Variants in DNAAF10 observed in about 807,000 individuals in gnomAD.
DNAAF10 encodes the protein WD repeat domain 92.
A neutral mutation model predicts 43.7 loss-of-function variants in DNAAF10; 28 were observed. That is an observed-to-expected ratio of 0.64 (90% CI 0.48 to 0.88). DNAAF10 has a LOEUF of 0.88. Among genes scored for constraint, DNAAF10 ranks in the 40% least tolerant of loss-of-function variants. The pLI, the probability that DNAAF10 is intolerant of heterozygous loss-of-function variation, is 0.00. For missense variants in DNAAF10, 403 were observed against 439.1 expected (o/e 0.92, Z 0.73); for synonymous variants, 156 against 157.3 (o/e 0.99, Z 0.06).
chr2:68,143,956 C>T (rs1198711227), intron 3 of DNAAF10, among the ~76,000 whole-genome samples: 1 of 152,138 alleles, frequency 6.6e-6, no homozygotes, highest in Non-Finnish European at 1.5e-5. Flanking sequence ...TCCTCATGGT[C>T]TTGAGCGGCC....
chr2:68,146,082 C>T (rs1007183240), intron 2 of DNAAF10, among the ~76,000 whole-genome samples: 1 of 152,004 alleles, frequency 6.6e-6, no homozygotes, highest in Non-Finnish European at 1.5e-5. Context: ...GCCAACATGG[C>T]GAAACCCCAT....
chr2:68,157,034 T>G (rs1558615253), intron 1 of DNAAF10: 1 of 624,862 alleles, frequency 1.6e-6, no homozygotes, highest in East Asian at 2.9e-5. Context: ...TTGGCTGGAC[T>G]GCACTGGGGG....
At chr2:68,153,747 T>TC in intron 1 of DNAAF10, among the ~76,000 whole-genome samples, 2 of 27,612 alleles carry the variant, frequency 7.2e-5, no homozygotes, top group African/African-American at 6.3e-4. Context: ...ACAATGAAGT[T>TC]TTTTTTTTTT....
chr2:68,157,132 T>A, intron 1 of DNAAF10, 129 bp downstream of exon 1: 13 of 1,284,746 alleles, frequency 1.0e-5, no homozygotes, highest in Non-Finnish European at 1.4e-5. Flanking sequence ...GCGGTCAGCT[T>A]CTCTGGTCTC....
At chr2:68,136,816 TTAAG>T (rs1490555447) in intron 6 of DNAAF10, among the ~76,000 whole-genome samples, 1 of 152,196 alleles carries the variant, frequency 6.6e-6, no homozygotes, top group African/African-American at 2.4e-5. Flanking sequence ...CAAGGCAAAG[TTAAG>T]TAAGTAAATA....
chr2:68,146,063 A>G (rs1673310526), intron 2 of DNAAF10, among the ~76,000 whole-genome samples: 1 of 152,170 alleles, frequency 6.6e-6, no homozygotes, highest in Admixed American at 6.5e-5. Context: ...GGAGTTCGAG[A>G]CTAGCCTGGC....
chr2:68,146,635 T>C (rs1025281895), intron 2 of DNAAF10, among the ~76,000 whole-genome samples: 1 of 152,206 alleles, frequency 6.6e-6, no homozygotes, highest in African/African-American at 2.4e-5. Context: ...GCTAATTTAA[T>C]TATTAAGGAG....
intron 6 of DNAAF10, among the ~76,000 whole-genome samples, chr2:68,136,527 C>T (rs540812037): frequency 6.6e-6 from 1 of 152,078 alleles, no homozygotes; most frequent in Non-Finnish European, 1.5e-5. Flanking sequence ...AGAGAAGCAA[C>T]GGAGTAAGTT....
intron 1 of DNAAF10, chr2:68,156,910 G>T (rs756292322): frequency 1.3e-4 from 37 of 295,420 alleles, no homozygotes; most frequent in Non-Finnish European, 1.8e-4. Context: ...TAAACTCCAT[G>T]AGATGGGGGA....
rs200642044 is a variant in DNAAF10 at position 68,130,111 on chromosome 2, G to GATAT, written c.*1126_*1127insATAT. On this transcript the variant is annotated 3_prime_UTR_variant, in exon 8 of 8. Coordinates refer to ENST00000295121, the MANE Select transcript of DNAAF10 (RefSeq NM_138458.4). ...AGACCAACCGTGCCGTTTTGAGAGA[G>GATAT]AGAGATATATATATATATATTTGTT... The GATAT allele has an allele frequency of 2.2e-4, 29 of 131,850 alleles. 1 individual carries two copies. Among genetic ancestry groups the GATAT allele is most frequent in the African/African-American group, 8.2e-4 (27 of 32,840 alleles). The allele number at this position is 131,850 out of a possible 1,614,324, so 8.2% of individuals were successfully genotyped here. A position where few individuals can be genotyped will look rare whatever the true frequency, so the allele number is the denominator to read the frequency against.
At chr2:68,156,017 G>A (rs1203466458) in intron 1 of DNAAF10, among the ~76,000 whole-genome samples, 1 of 150,800 alleles carries the variant, frequency 6.6e-6, no homozygotes, top group Non-Finnish European at 1.5e-5. Context: ...CTACTTGGGA[G>A]GCTGAGGTGG....
rs920677459 is a variant in DNAAF10 at position 68,157,077 on chromosome 2, C to T, written c.183+184G>A. On this transcript the variant is annotated intron_variant, in intron 1 of 7. Coordinates refer to ENST00000295121, the MANE Select transcript of DNAAF10 (RefSeq NM_138458.4). ...ACGGTTGGGCGCGGAGGAACTACCC[C>T]GCGGATGAGAAGAAAGGTTTTAAAT... 25 of 859,760 alleles carry T rather than the reference C, an allele frequency of 2.9e-5. No homozygotes were observed. In the South Asian group the frequency reaches 3.1e-4, roughly 11 times the overall value. 53.3% of individuals were successfully genotyped at this position (859,760 alleles called of 1,614,324 possible). A position where few individuals can be genotyped will look rare whatever the true frequency, so the allele number is the denominator to read the frequency against.
intron 6 of DNAAF10, among the ~76,000 whole-genome samples, chr2:68,136,201 G>A (rs1352167960): frequency 6.8e-6 from 1 of 146,480 alleles, no homozygotes; most frequent in Non-Finnish European, 1.5e-5. Flanking sequence ...CTGGGTAAGA[G>A]GGCAAGATTC....
At position 68,157,363 on chromosome 2, in the gene DNAAF10, C is replaced by T; in HGVS notation, c.81G>A (p.Val27=). 1.2e-6 allele frequency: 2 copies of T among 1,614,202 alleles called. No individual in the cohort carries two copies. The highest frequency in any genetic ancestry group is 1.3e-5 in the African/African-American group (1 of 75,054). Residue 27 remains valine (V), a synonymous_variant, in exon 1 of 8, where the codon GTG becomes GTA. Coordinates refer to ENST00000295121, the MANE Select transcript of DNAAF10 (RefSeq NM_138458.4). ...TGGTCACAAATTTGGCGCTGCAGGG[C>T]ACCCACTTACAGTCAAACACCGTGT... ...FNYTVFDCKW[V]PCSAKFVTMG... is the part of the protein sequence containing the mutation.
chr2:68,131,640 A>G, intron 7 of DNAAF10, 195 bp from the exon 8 acceptor site: 1 of 575,320 alleles, frequency 1.7e-6, no homozygotes, highest in Non-Finnish European at 3.0e-6. Flanking sequence ...AACACGTCAT[A>G]AAAAAGGGTT....
chr2:68,154,665 T>A (rs1673545442), intron 1 of DNAAF10, among the ~76,000 whole-genome samples: 1 of 152,252 alleles, frequency 6.6e-6, no homozygotes, highest in Non-Finnish European at 1.5e-5. Flanking sequence ...AAGAAAATTA[T>A]CTTTTTAAAA....
At chr2:68,132,686 C>T (rs1229025034) in intron 7 of DNAAF10, among the ~76,000 whole-genome samples, 3 of 152,152 alleles carry the variant, frequency 2.0e-5, no homozygotes, top group Admixed American at 6.5e-5. Context: ...TGCATTACTA[C>T]CAAGACAGAC....
chr2:68,142,464 G>A (rs1231260270), intron 3 of DNAAF10, among the ~76,000 whole-genome samples: 1 of 152,070 alleles, frequency 6.6e-6, no homozygotes, highest in Non-Finnish European at 1.5e-5. Context: ...TTGCCATGTT[G>A]GCCAGGCTGG....
At chr2:68,146,847 C>G (rs889998310) in intron 2 of DNAAF10, among the ~76,000 whole-genome samples, 1 of 151,998 alleles carries the variant, frequency 6.6e-6, no homozygotes, top group African/African-American at 2.4e-5. Flanking sequence ...TAGAACACTG[C>G]TGTATACTTT....
Sources: allele counts gnomAD v4.1 joint callset (sites outside exome capture counted in the v4.1 genomes callset), GRCh38; gene constraint gnomAD v4.1.1; transcripts MANE v1.5; gene names NCBI Gene and HGNC (gene_info 2026-07-23, HGNC 2026-07-21).